PCDHGB6: variants seen among roughly 807,000 people sequenced by gnomAD.
PCDHGB6 encodes protocadherin gamma subfamily B, 6, also known as protocadherin gamma-B6.
Under a neutral mutation model 59.1 loss-of-function variants are expected in PCDHGB6, and 51 were observed. That is an observed-to-expected ratio of 0.86 (90% CI 0.69 to 1.09). The LOEUF (loss-of-function observed/expected upper bound fraction) is 1.09, where lower values mean the gene tolerates loss of function less well. PCDHGB6 is among the 50% of genes least tolerant of loss of function. The pLI is 0.00. For missense variants in PCDHGB6, 1,148 were observed against 1,205.1 expected (o/e 0.95, Z 0.70); for synonymous variants, 466 against 495.1 (o/e 0.94, Z 0.78).
At chr5:141,471,422 A>T (rs919676109) in intron 1 of PCDHGB6, 5 of 152,176 alleles carry the variant, frequency 3.3e-5, no homozygotes, top group Non-Finnish European at 5.9e-5. Context: ...GTTTTTAGCA[A>T]GGAAAGTGTA....
chr5:141,438,392 A>C (rs2097958012), intron 1 of PCDHGB6, among the ~76,000 whole-genome samples: 1 of 151,714 alleles, frequency 6.6e-6, no homozygotes, highest in African/African-American at 2.4e-5. Context: ...TTAGTTCATC[A>C]TTAACTCTCT....
Position 141,490,004 on chromosome 5 carries a change from C to T in PCDHGB6, c.2419-4803C>T. On this transcript the variant is annotated intron_variant, in intron 1 of 3. Coordinates refer to ENST00000520790, the MANE Select transcript of PCDHGB6 (RefSeq NM_018926.3). This position sits in a 1 kb window ranked among gnomAD's most constrained non-coding sequence, Gnocchi z 5.4. ...CTACGTGTGGGAATCCCAGAGAATG[C>T]ACCCATTGGTACTCTGCTGCTCCGC... The T allele has an allele frequency of 1.9e-6, 3 of 1,614,174 alleles. No individual in the cohort carries two copies. Among genetic ancestry groups the T allele is most frequent in the Non-Finnish European group, 2.5e-6 (3 of 1,179,980 alleles).
At chr5:141,433,320 T>A in intron 1 of PCDHGB6, 1 of 792,046 alleles carries the variant, frequency 1.3e-6, no homozygotes, top group Non-Finnish European at 2.0e-6. Flanking sequence ...TTGCCTCCGG[T>A]GTAACAGGGA....
At chr5:141,446,365 G>T (rs2098499873) in intron 1 of PCDHGB6, among the ~76,000 whole-genome samples, 1 of 152,194 alleles carries the variant, frequency 6.6e-6, no homozygotes, top group Non-Finnish European at 1.5e-5. Flanking sequence ...GATGAGAATG[G>T]AAGACTAAAG....
intron 1 of PCDHGB6, among the ~76,000 whole-genome samples, chr5:141,494,072 C>G (rs2099751672): frequency 6.6e-6 from 1 of 152,160 alleles, no homozygotes; most frequent in Non-Finnish European, 1.5e-5. Flanking sequence ...CTGGATCCCT[C>G]CCCGCTGCAT....
At chr5:141,420,046 A>G (rs772981030) in intron 1 of PCDHGB6, 6 of 1,614,048 alleles carry the variant, frequency 3.7e-6, no homozygotes, top group South Asian at 1.1e-5. Context: ...GCTTTGAGTC[A>G]GTTCTCTGCT....
chr5:141,473,237 A>C (rs2099317600), intron 1 of PCDHGB6, among the ~76,000 whole-genome samples: 1 of 152,194 alleles, frequency 6.6e-6, no homozygotes, highest in African/African-American at 2.4e-5. Context: ...GATCCACACA[A>C]GTGAATACAT....
rs2099735960 is a variant in PCDHGB6 at position 141,491,997 on chromosome 5, G to A, written c.2419-2810G>A. On this transcript the variant is annotated intron_variant, in intron 1 of 3. Transcript: ENST00000520790. The surrounding 1 kb of genome is among the most constrained non-coding windows in gnomAD (Gnocchi z 6.9). ...CCTTCGAGCTTCCGGTGAATTTCGG[G>A]CGATTTCCGCGGGTGTCGGGGGTCC... The A allele has an allele frequency of 1.5e-6, 1 of 671,074 alleles. No homozygotes were observed. The allele number at this position is 671,074 out of a possible 1,614,324, so 41.6% of individuals were successfully genotyped here.
chr5:141,484,121 C>A (rs1451102473), intron 1 of PCDHGB6, among the ~76,000 whole-genome samples: 1 of 152,152 alleles, frequency 6.6e-6, no homozygotes, highest in African/African-American at 2.4e-5. Context: ...TCAAGAATAC[C>A]TTGGTGTCAG....
Position 141,491,078 on chromosome 5 carries a change from C to G in PCDHGB6, c.2419-3729C>G, listed in dbSNP as rs1386717886. The G allele has an allele frequency of 5.6e-6, 9 of 1,614,194 alleles. No homozygotes were observed. Among genetic ancestry groups the G allele is most frequent in the East Asian group, 4.5e-5 (2 of 44,882 alleles). ...CTCTCCTACTCACTGTTGCCACAGTCCACAGCCCCAGGACTGTTCCTCGTG... is the reference window on the plus strand; with the variant it reads ...CTCTCCTACTCACTGTTGCCACAGTGCACAGCCCCAGGACTGTTCCTCGTG... On this transcript the variant is annotated intron_variant, in intron 1 of 3. Transcript: ENST00000520790. This position sits in a 1 kb window ranked among gnomAD's most constrained non-coding sequence, Gnocchi z 6.9.
At chr5:141,433,066 C>A in intron 1 of PCDHGB6, 2 of 1,614,210 alleles carry the variant, frequency 1.2e-6, no homozygotes, top group Non-Finnish European at 1.7e-6. Context: ...GTCACCTGAT[C>A]TTCCCCCAGC....
At chr5:141,458,359 A>C (rs2098943826) in intron 1 of PCDHGB6, among the ~76,000 whole-genome samples, 1 of 152,142 alleles carries the variant, frequency 6.6e-6, no homozygotes, top group Non-Finnish European at 1.5e-5. Context: ...AATAAGCAAG[A>C]AGGAAGGGAG....
intron 1 of PCDHGB6, among the ~76,000 whole-genome samples, chr5:141,435,770 C>G (rs1445835726): frequency 6.6e-6 from 1 of 152,070 alleles, no homozygotes; most frequent in Non-Finnish European, 1.5e-5. Context: ...TTGGTGAATT[C>G]TGTAAAGGTG....
chr5:141,477,162 C>A lies in PCDHGB6; in HGVS notation c.2419-17645C>A, dbSNP rs147392557. ...GAGGTTGTGGATGTGAATGACAACG[C>A]CCCGGAGATCACAGTCACCTCCGTG... On this transcript the variant is annotated intron_variant, in intron 1 of 3. Transcript: ENST00000520790. This position sits in a 1 kb window ranked among gnomAD's most constrained non-coding sequence, Gnocchi z 4.9. 3.5e-5 allele frequency: 57 copies of A among 1,614,162 alleles called. No homozygotes were observed. The Middle Eastern group carries it at 9.9e-4, about 28-fold the overall frequency.
At chr5:141,417,982 G>A (rs756382601) in intron 1 of PCDHGB6, 4 of 1,613,886 alleles carry the variant, frequency 2.5e-6, no homozygotes, top group Admixed American at 3.3e-5. Flanking sequence ...CGGAGGAGCT[G>A]GCCAAGGGCT....
intron 1 of PCDHGB6, chr5:141,484,855 G>T (rs1178318896): frequency 3.9e-6 from 1 of 257,336 alleles, no homozygotes; most frequent in East Asian, 8.3e-5. Context: ...GTTTTTTGGG[G>T]GGTGGGGGAG....
At chr5:141,445,900 T>C (rs2098480876) in intron 1 of PCDHGB6, among the ~76,000 whole-genome samples, 1 of 152,224 alleles carries the variant, frequency 6.6e-6, no homozygotes, top group African/African-American at 2.4e-5. Flanking sequence ...TATTAAAATA[T>C]TTTAAACAAG....
In PCDHGB6 at chr5:141,476,335, C is replaced by A; in HGVS notation, c.2419-18472C>A. On this transcript the variant is annotated intron_variant, in intron 1 of 3. Coordinates refer to ENST00000520790, the MANE Select transcript of PCDHGB6 (RefSeq NM_018926.3). The surrounding 1 kb of genome is among the most constrained non-coding windows in gnomAD (Gnocchi z 7.6). Reference sequence around the variant, plus strand: ...GGTTCCGGGTGGTGTCTGGAGCTAGCCGAAGATTCTTTGAGGTGAACCGGG... The same window carrying A: ...GGTTCCGGGTGGTGTCTGGAGCTAGACGAAGATTCTTTGAGGTGAACCGGG... 2 of 1,614,120 alleles carry A rather than the reference C, an allele frequency of 1.2e-6. No individual in the cohort carries two copies. Among genetic ancestry groups the A allele is most frequent in the Non-Finnish European group, 1.7e-6 (2 of 1,180,026 alleles).
intron 1 of PCDHGB6, among the ~76,000 whole-genome samples, chr5:141,470,360 T>G (rs1554150725): frequency 6.6e-6 from 1 of 152,142 alleles, no homozygotes; most frequent in Non-Finnish European, 1.5e-5. Context: ...ATAGACACAT[T>G]AGGTTGAATG....
Sources: gnomAD v4.1 joint callset for allele counts (sites outside exome capture counted in the v4.1 genomes callset) on GRCh38, gnomAD v4.1.1 for gene constraint, Gnocchi (gnomAD v3.1) non-coding constraint, MANE v1.5 for transcripts, NCBI Gene and HGNC (gene_info 2026-07-23, HGNC 2026-07-21) for gene names.